Variants in KLHL35 observed in about 807,000 individuals in gnomAD.
KLHL35 encodes the protein kelch like family member 35.
A neutral mutation model predicts 44.0 loss-of-function variants in KLHL35; 50 were observed. The observed-to-expected ratio is 1.14, with a 90% CI of 0.91 to 1.44. The LOEUF (loss-of-function observed/expected upper bound fraction) is 1.44, where lower values mean the gene tolerates loss of function less well. Among genes scored for constraint, KLHL35 ranks in the 40% most tolerant of loss-of-function variants. The pLI, the probability that KLHL35 is intolerant of heterozygous loss-of-function variation, is 0.00. For synonymous variants in KLHL35, 470 were observed against 410.4 expected, an observed-to-expected ratio of 1.15 and a Z score of -1.76; for missense variants, 1,049 against 887.8, an observed-to-expected ratio of 1.18 and a Z score of -2.31.
At chr11:75,429,023 T>A (rs1031227723) in intron 2 of KLHL35, among the ~76,000 whole-genome samples, 1 of 152,190 alleles carries the variant, frequency 6.6e-6, no homozygotes, top group African/African-American at 2.4e-5. Flanking sequence ...AGAGCTGGAA[T>A]TCAAGCCCAG....
At chr11:75,427,472 T>G (rs1305676714) in intron 3 of KLHL35, among the ~76,000 whole-genome samples, 2 of 152,232 alleles carry the variant, frequency 1.3e-5, no homozygotes, top group Admixed American at 1.3e-4. Flanking sequence ...CATCTTTGTT[T>G]ATTCCTAGTG....
At chr11:75,427,162 T>C (rs561196465) in intron 3 of KLHL35, among the ~76,000 whole-genome samples, 3 of 152,308 alleles carry the variant, frequency 2.0e-5, no homozygotes, top group Admixed American at 1.3e-4. Context: ...AGTTTACATA[T>C]AAGAAACTCA....
Position 75,422,672 on chromosome 11 carries a change from G to A in KLHL35, c.1660C>T (p.Pro554Ser). The change falls in exon 7 of 7, where the codon CCC becomes TCC. Residue 554 changes from proline (P) to serine (S), a missense_variant. Physicochemically the swap from Pro to Ser is moderately conservative, Grantham distance 74. Coordinates refer to ENST00000539798, the MANE Select transcript of KLHL35 (RefSeq NM_001039548.3). Reference protein sequence around the residue: ...ESTDKVFTFDPSSGQVEVQPS... With the variant: ...ESTDKVFTFDSSSGQVEVQPS... ...TGGACCTCCACCTGCCCACTGCTGG[G>A]GTCAAAGGTGAAGACCTTATCGGTG... 1.9e-6 allele frequency: 3 copies of A among 1,614,016 alleles called. No individual in the cohort carries two copies. Among genetic ancestry groups the A allele is most frequent in the Middle Eastern group, 1.7e-4 (1 of 6,060 alleles).
rs1948523590 is a variant in KLHL35 at position 75,430,175 on chromosome 11, G to A, written c.455C>T (p.Ala152Val). The change falls in exon 2 of 7, where the codon GCC becomes GTC. Residue 152 changes from alanine (A) to valine (V), a missense_variant. Ala to Val is a moderately conservative substitution (Grantham distance 64). Transcript: ENST00000539798. The part of the protein sequence containing the change: ...CVRFLEGRLR[A>V]ANSLALRRVA... ...GCGGCGCAGCGCTAGGCTGTTGGCGGCGCGCAGGCGGCCCTCGAGAAAGCG... is the reference window on the plus strand; with the variant it reads ...GCGGCGCAGCGCTAGGCTGTTGGCGACGCGCAGGCGGCCCTCGAGAAAGCG... 8.1e-7 allele frequency: 1 copy of A among 1,232,484 alleles called. No individual in the cohort carries two copies. Among genetic ancestry groups the A allele is most frequent in the Admixed American group, 4.2e-5 (1 of 23,776 alleles). 76.3% of individuals were successfully genotyped at this position (1,232,484 alleles called of 1,614,324 possible). A position where few individuals can be genotyped will look rare whatever the true frequency, so the allele number is the denominator to read the frequency against.
chr11:75,429,923 C>G lies in KLHL35; in HGVS notation c.707G>C (p.Arg236Pro), dbSNP rs773554214. 2.7e-6 allele frequency: 4 copies of G among 1,473,592 alleles called. No homozygotes were observed. Among genetic ancestry groups the G allele is most frequent in the Admixed American group, 2.5e-5 (1 of 39,922 alleles). 91.3% of individuals were successfully genotyped at this position (1,473,592 alleles called of 1,614,324 possible). Residue 236 changes from arginine to proline, a missense_variant, in exon 2 of 7, where the codon CGA becomes CCA. Physicochemically the swap from Arg to Pro is moderately radical, Grantham distance 103 (BLOSUM62 -2). Coordinates refer to ENST00000539798, the MANE Select transcript of KLHL35 (RefSeq NM_001039548.3). ...CAGGCGCACGTGCTCCAGCAGGCGT[C>G]GCAGCTGGCCGCGGCGGGCCGGCGC... ...HDAPARRGQLRRLLEHVRLPL... is the reference protein window; with the variant it reads ...HDAPARRGQLPRLLEHVRLPL...
rs202215623 is a variant in KLHL35 at position 75,423,691 on chromosome 11, C to T, written c.1563+1G>A. The T allele has an allele frequency of 1.1e-5, 17 of 1,613,142 alleles. No individual in the cohort carries two copies. The African/African-American group carries it at 1.9e-4, about 18-fold the overall frequency. Reference sequence around the variant, plus strand: ...TCTCCTGCCTTGAAGCCTCCACTTACCACAGGGCTGGGGAGGACAGCTGCC... The same window carrying T: ...TCTCCTGCCTTGAAGCCTCCACTTATCACAGGGCTGGGGAGGACAGCTGCC... On this transcript the variant is annotated splice_donor_variant, in intron 6 of 6. Transcript: ENST00000539798. LOFTEE classifies it high-confidence loss of function.
At chr11:75,424,177 T>G in intron 5 of KLHL35, 2 of 339,690 alleles carry the variant, frequency 5.9e-6, no homozygotes, top group Non-Finnish European at 1.1e-5. Flanking sequence ...CTCCCTGGTG[T>G]TCCCCCCTCC....
At chr11:75,428,679 C>G in intron 2 of KLHL35, 53 bp from the exon 3 acceptor site, 2 of 1,467,768 alleles carry the variant, frequency 1.4e-6, no homozygotes, top group Middle Eastern at 1.8e-4. Flanking sequence ...GTTCGGCCCT[C>G]TCTTACCCTC....
At position 75,422,717 on chromosome 11, in the gene KLHL35, G is replaced by C. The variant is rs201857455; in HGVS notation, c.1615C>G (p.Arg539Gly). ...CDGKVHILGG[R>G]DDRGESTDKV... Reference sequence around the variant, plus strand: ...TCGGTGCTTTCTCCGCGATCATCCCGCCCGCCAAGGATGTGGACCTTCCCG... The same window carrying C: ...TCGGTGCTTTCTCCGCGATCATCCCCCCCGCCAAGGATGTGGACCTTCCCG... The change falls in exon 7 of 7, where the codon CGG (arginine) becomes GGG (glycine). Residue 539 changes from arginine (R) to glycine (G), a missense_variant. Coordinates refer to ENST00000539798, the MANE Select transcript of KLHL35 (RefSeq NM_001039548.3). The C allele has an allele frequency of 6.2e-7, 1 of 1,613,878 alleles. No homozygotes were observed. Among genetic ancestry groups the C allele is most frequent in the East Asian group, 2.2e-5 (1 of 44,894 alleles).
At chr11:75,433,004 C>T (rs1447072628) in intron 1 of KLHL35, among the ~76,000 whole-genome samples, 39 bp downstream of exon 1, 1 of 152,192 alleles carries the variant, frequency 6.6e-6, no homozygotes, top group Non-Finnish European at 1.5e-5. Context: ...CCGGGTCAGC[C>T]CTGCAGCCTA....
intron 2 of KLHL35, 25 bp downstream of exon 2, chr11:75,429,724 G>A (rs1175581708): frequency 7.0e-6 from 10 of 1,429,916 alleles, no homozygotes; most frequent in Admixed American, 3.0e-5. Context: ...ACGGAGGGCG[G>A]GAAGCTAGGG....
chr11:75,427,465 CTTTG>C (rs1409884263), intron 3 of KLHL35, among the ~76,000 whole-genome samples: 1 of 152,244 alleles, frequency 6.6e-6, no homozygotes, highest in South Asian at 2.1e-4. Context: ...GTAGCCCCAT[CTTTG>C]TTTATTCCTA....
At position 75,430,381 on chromosome 11, in the gene KLHL35, TGGCACCACGGCCGGGCC is replaced by T; in HGVS notation, c.232_248del (p.Gly78SerfsTer114). The T allele has an allele frequency of 7.3e-7, 1 of 1,363,378 alleles. No homozygotes were observed. Among genetic ancestry groups the T allele is most frequent in the African/African-American group, 1.5e-5 (1 of 64,668 alleles). 84.5% of individuals were successfully genotyped at this position (1,363,378 alleles called of 1,614,324 possible). A position where few individuals can be genotyped will look rare whatever the true frequency, so the allele number is the denominator to read the frequency against. On this transcript the variant is annotated frameshift_variant, in exon 2 of 7. Coordinates refer to ENST00000539798, the MANE Select transcript of KLHL35 (RefSeq NM_001039548.3). LOFTEE classifies it high-confidence loss of function. The stretch of plus-strand genomic sequence containing the variant: ...GCGCCTCGGGAGCTACTGGCACCAC[TGGCACCACGGCCGGGCC>T]GCGCTCGGGCCGCCCGGCCGCGAAC...
chr11:75,426,910 G>A (rs994264916), intron 3 of KLHL35: 1 of 334,166 alleles, frequency 3.0e-6, no homozygotes, highest in African/African-American at 2.1e-5. Flanking sequence ...TGGTGGTGGT[G>A]GTGTGCCAGG....
intron 1 of KLHL35, 80 bp from the exon 2 acceptor site, chr11:75,430,710 T>C: frequency 8.4e-7 from 1 of 1,195,184 alleles, no homozygotes; most frequent in African/African-American, 1.6e-5. Context: ...CATCCGTTTA[T>C]TTCCTCTCTT....
At chr11:75,428,835 G>A (rs558063590) in intron 2 of KLHL35, among the ~76,000 whole-genome samples, 2 of 146,756 alleles carry the variant, frequency 1.4e-5, no homozygotes, top group East Asian at 4.3e-4. Flanking sequence ...AATGCTTACC[G>A]CATTCTGCTG....
intron 3 of KLHL35, among the ~76,000 whole-genome samples, chr11:75,427,161 A>G (rs1261546842): frequency 6.6e-6 from 1 of 152,208 alleles, no homozygotes; most frequent in Non-Finnish European, 1.5e-5. Flanking sequence ...CAGTTTACAT[A>G]TAAGAAACTC....
chr11:75,425,487 A>C lies in KLHL35; in HGVS notation c.1280T>G (p.Leu427Arg). Residue 427 changes from leucine to arginine, a missense_variant, in exon 5 of 7, where the codon CTC (leucine) becomes CGC (arginine). Leu to Arg is a moderately radical substitution (Grantham distance 102). Transcript: ENST00000539798. ...CGCCGCCGAGCTCACGGCCTCCGGG[A>C]GGGGCGCGGCGGCCGCCCAGGTGTT... ...FSNTWAAAAP[L>R]PEAVSSAAVA... 1.3e-6 allele frequency: 2 copies of C among 1,563,300 alleles called. No individual in the cohort carries two copies. The highest frequency in any genetic ancestry group is 8.6e-7 in the Non-Finnish European group (1 of 1,160,284).
chr11:75,425,253 A>G, intron 5 of KLHL35, 140 bp downstream of exon 5: 1 of 934,704 alleles, frequency 1.1e-6, no homozygotes, highest in South Asian at 1.9e-5. Flanking sequence ...CTTCCCTGAA[A>G]CATGGAGGTG....
Sources: allele counts gnomAD v4.1 joint callset (sites outside exome capture counted in the v4.1 genomes callset), GRCh38; gene constraint gnomAD v4.1.1; transcripts MANE v1.5; gene names NCBI Gene and HGNC (gene_info 2026-07-23, HGNC 2026-07-21).